Variants in ACVR2A observed in about 807,000 individuals in gnomAD.
ACVR2A encodes activin receptor type-2A.
Under a neutral mutation model 61.4 loss-of-function variants are expected in ACVR2A, and 7 were observed. The observed-to-expected ratio is 0.11, with a 90% CI of 0.06 to 0.21. ACVR2A has a LOEUF of 0.21. Among genes scored for constraint, ACVR2A ranks in the 10% least tolerant of loss-of-function variants. The pLI is 1.00. For missense variants in ACVR2A, 322 were observed against 621.7 expected (o/e 0.52, Z 5.13); for synonymous variants, 193 against 208.3 (o/e 0.93, Z 0.63).
At chr2:147,897,709 T>C (rs1048795549) in intron 2 of ACVR2A, among the ~76,000 whole-genome samples, 1 of 152,208 alleles carries the variant, frequency 6.6e-6, no homozygotes, top group Non-Finnish European at 1.5e-5. Context: ...CCTTGAAAAT[T>C]GGATTAACTA....
chr2:147,920,335 C>T lies in ACVR2A; in HGVS notation c.1068C>T (p.Thr356=), dbSNP rs1687349354. The change falls in exon 8 of 11, where the codon ACC becomes ACT. Residue 356 remains threonine (T), a synonymous_variant. Coordinates refer to ENST00000241416, the MANE Select transcript of ACVR2A (RefSeq NM_001616.5). ...KFEAGKSAGD[T]HGQVGTRRYM... ...AGGCTGGCAAGTCTGCAGGCGATAC[C>T]CATGGACAGGTAAGGATGATGATTA... The T allele has an allele frequency of 1.2e-6, 2 of 1,609,862 alleles. No homozygotes were observed. Among genetic ancestry groups the T allele is most frequent in the South Asian group, 2.2e-5 (2 of 90,708 alleles).
In ACVR2A at chr2:147,881,627, GTGTGTGTGTGTGTGTA is replaced by G. The variant is rs1365318098; in HGVS notation, c.56-14658_56-14643del. Among the ~76,000 whole-genome samples, 642 of 120,902 alleles carry G rather than the reference GTGTGTGTGTGTGTGTA, an allele frequency of 5.3e-3. 4 individuals carry two copies. Among genetic ancestry groups the G allele is most frequent in the Admixed American group, 9.0e-3 (89 of 9,920 alleles). The allele number at this position is 120,902 out of a possible 152,430, so 79.3% of individuals were successfully genotyped here. A position where few individuals can be genotyped will look rare whatever the true frequency, so the allele number is the denominator to read the frequency against. On this transcript the variant is annotated intron_variant, in intron 1 of 10. Transcript: ENST00000241416. ...AGTGTGTGTGTGTGTGTGTGTGTGT[GTGTGTGTGTGTGTGTA>G]TGTGTGTGTGTGTGTGTGGTTTTTT...
intron 1 of ACVR2A, among the ~76,000 whole-genome samples, chr2:147,875,531 G>A (rs985896181): frequency 3.3e-5 from 5 of 151,990 alleles, no homozygotes; most frequent in Non-Finnish European, 7.4e-5. Context: ...AGCCCCAGAC[G>A]AACAGTACAC....
upstream of ACVR2A, chr2:147,844,996 G>T: frequency 8.3e-5 from 17 of 204,982 alleles, no homozygotes; most frequent in Non-Finnish European, 1.1e-4. Flanking sequence ...TTAACCCAGT[G>T]AGCGTTTTTT....
intron 1 of ACVR2A, among the ~76,000 whole-genome samples, chr2:147,885,480 A>C (rs1014134989): frequency 2.6e-5 from 4 of 152,146 alleles, no homozygotes; most frequent in African/African-American, 9.6e-5. Flanking sequence ...GTTGTTGTGA[A>C]AAAAGCCTTT....
intron 1 of ACVR2A, among the ~76,000 whole-genome samples, chr2:147,890,784 TA>T (rs1331456499): frequency 6.6e-6 from 1 of 152,130 alleles, no homozygotes; most frequent in Admixed American, 6.5e-5. Flanking sequence ...CTTAAGAATA[TA>T]AAAATACATA....
intron 4 of ACVR2A, among the ~76,000 whole-genome samples, chr2:147,913,818 T>C: frequency 1.5e-5 from 1 of 67,020 alleles, no homozygotes; most frequent in South Asian, 6.0e-4. Flanking sequence ...AAGCAACTTG[T>C]AGACAAAAAA....
At chr2:147,860,531 G>A (rs1435210947) in intron 1 of ACVR2A, among the ~76,000 whole-genome samples, 2 of 152,194 alleles carry the variant, frequency 1.3e-5, no homozygotes, top group African/African-American at 4.8e-5. Flanking sequence ...CCCATTTTAA[G>A]TACTTAAAAA....
At chr2:147,913,199 A>G (rs1377968619) in intron 4 of ACVR2A, among the ~76,000 whole-genome samples, 15 of 151,970 alleles carry the variant, frequency 9.9e-5, no homozygotes, top group Non-Finnish European at 1.6e-4. Flanking sequence ...TAAATAATCT[A>G]TATCTTACAG....
chr2:147,847,658 A>T (rs780669566), intron 1 of ACVR2A, among the ~76,000 whole-genome samples: 5 of 152,120 alleles, frequency 3.3e-5, no homozygotes, highest in African/African-American at 1.2e-4. Flanking sequence ...TTCCTGTAGG[A>T]TATGGCCAAG....
chr2:147,916,645 A>T (rs529659117), intron 5 of ACVR2A, among the ~76,000 whole-genome samples: 1 of 151,936 alleles, frequency 6.6e-6, no homozygotes, highest in African/African-American at 2.4e-5. Flanking sequence ...TCTAACCATT[A>T]TGCCATAGTG....
chr2:147,847,031 G>A (rs1327533395), intron 1 of ACVR2A, among the ~76,000 whole-genome samples: 2 of 151,998 alleles, frequency 1.3e-5, no homozygotes, highest in African/African-American at 4.8e-5. Context: ...GCTTGGTTTG[G>A]TAGTAAAAAT....
Position 147,888,612 on chromosome 2 carries a change from G to A in ACVR2A, c.56-7689G>A, listed in dbSNP as rs568673771. Among the ~76,000 whole-genome samples the A allele has an allele frequency of 3.3e-5, 5 of 149,674 alleles. No individual in the cohort carries two copies. In the East Asian group the frequency reaches 7.8e-4, roughly 23 times the overall value. On this transcript the variant is annotated intron_variant, in intron 1 of 10. Transcript: ENST00000241416. Reference sequence around the variant, plus strand: ...CCAAATAGAAATGCAATTGATTTTTGTGTTTCGTTCATCTATCCTGTGACC... The same window carrying A: ...CCAAATAGAAATGCAATTGATTTTTATGTTTCGTTCATCTATCCTGTGACC...
intron 1 of ACVR2A, among the ~76,000 whole-genome samples, chr2:147,849,416 T>C (rs1346541511): frequency 6.6e-6 from 1 of 152,150 alleles, no homozygotes; most frequent in African/African-American, 2.4e-5. Flanking sequence ...AAAAAAGATA[T>C]TTCTTTTGTC....
chr2:147,910,805 C>A (rs188364643), intron 4 of ACVR2A, among the ~76,000 whole-genome samples: 1 of 152,260 alleles, frequency 6.6e-6, no homozygotes, highest in African/African-American at 2.4e-5. Context: ...GTTCCCAGGG[C>A]CACCTCTGCT....
chr2:147,888,325 T>G (rs996227273), intron 1 of ACVR2A, among the ~76,000 whole-genome samples: 10 of 152,210 alleles, frequency 6.6e-5, no homozygotes, highest in Admixed American at 6.5e-5. Flanking sequence ...TGAAACTTGC[T>G]GAGATTTTGA....
At chr2:147,853,539 C>T (rs368212314) in intron 1 of ACVR2A, among the ~76,000 whole-genome samples, 1 of 151,978 alleles carries the variant, frequency 6.6e-6, no homozygotes, top group Non-Finnish European at 1.5e-5. Context: ...TTCTTTTGGA[C>T]TAGTTTTTTC....
intron 1 of ACVR2A, among the ~76,000 whole-genome samples, chr2:147,858,319 G>A (rs969115960): frequency 2.0e-5 from 3 of 152,056 alleles, no homozygotes; most frequent in Non-Finnish European, 2.9e-5. Flanking sequence ...CCAGCACTTC[G>A]AATTCAGAAT....
At chr2:147,857,977 C>T (rs796071399) in intron 1 of ACVR2A, among the ~76,000 whole-genome samples, 2 of 152,226 alleles carry the variant, frequency 1.3e-5, no homozygotes, top group African/African-American at 4.8e-5. Context: ...CCTCTCCCTC[C>T]TCCCTCCCAT....
Sources: allele counts gnomAD v4.1 joint callset (sites outside exome capture counted in the v4.1 genomes callset), GRCh38; gene constraint gnomAD v4.1.1; transcripts MANE v1.5; gene names NCBI Gene and HGNC (gene_info 2026-07-23, HGNC 2026-07-21).